The following FHIT variants were observed in gnomAD, a reference collection of about 807,000 sequenced individuals.
FHIT encodes the protein fragile histidine triad diadenosine triphosphatase, also known as bis(5'-adenosyl)-triphosphatase.
In FHIT, 19 loss-of-function variants were observed where a neutral mutation model predicts 17.9. The observed-to-expected ratio is 1.06, with a 90% CI of 0.74 to 1.56. The LOEUF (loss-of-function observed/expected upper bound fraction) is 1.56, where lower values mean the gene tolerates loss of function less well. Ranked by LOEUF, FHIT falls within the 40% of genes most tolerant of loss-of-function variation. The pLI is 0.00. For synonymous variants in FHIT, 81 were observed against 69.7 expected, an observed-to-expected ratio of 1.16 and a Z score of -0.81; for missense variants, 248 against 189.2, an observed-to-expected ratio of 1.31 and a Z score of -1.82.
intron 5 of FHIT, among the ~76,000 whole-genome samples, chr3:60,284,822 G>A (rs907720755): frequency 5.3e-5 from 8 of 152,054 alleles, no homozygotes; most frequent in Admixed American, 1.3e-4. Context: ...TGGTGTATGT[G>A]GCGTGTCTGT....
chr3:60,710,873 A>G (rs1373114601), intron 4 of FHIT, among the ~76,000 whole-genome samples: 1 of 152,158 alleles, frequency 6.6e-6, no homozygotes, highest in Non-Finnish European at 1.5e-5. Context: ...GACAGCAGTA[A>G]CCTCTGCAGA....
At chr3:60,541,127 A>G (rs2036173246) in intron 4 of FHIT, among the ~76,000 whole-genome samples, 2 of 152,188 alleles carry the variant, frequency 1.3e-5, no homozygotes, top group South Asian at 4.1e-4. Flanking sequence ...GCTGCCTAGC[A>G]TATGCTTGAA....
intron 4 of FHIT, among the ~76,000 whole-genome samples, chr3:60,624,814 T>C (rs1205845289): frequency 6.6e-6 from 1 of 152,210 alleles, no homozygotes; most frequent in Non-Finnish European, 1.5e-5. Flanking sequence ...TCATTCCTTT[T>C]TTTTACAAGA....
At chr3:60,418,366 CTGAA>C (rs1702328420) in intron 5 of FHIT, among the ~76,000 whole-genome samples, 1 of 95,276 alleles carries the variant, frequency 1.0e-5, no homozygotes, top group Non-Finnish European at 2.1e-5. Flanking sequence ...ATATATGTAT[CTGAA>C]TGTGTGTATA....
At chr3:60,201,927 C>G (rs765839381) in intron 5 of FHIT, among the ~76,000 whole-genome samples, 8 of 152,020 alleles carry the variant, frequency 5.3e-5, no homozygotes, top group Non-Finnish European at 1.2e-4. Context: ...TTACAGCCAC[C>G]AAAACCACTC....
intron 2 of FHIT, among the ~76,000 whole-genome samples, chr3:61,163,371 A>C (rs1428768946): frequency 2.0e-5 from 3 of 152,230 alleles, no homozygotes; most frequent in Non-Finnish European, 4.4e-5. Flanking sequence ...GGTAGGGACC[A>C]TATCCGGTTT....
chr3:60,463,088 A>G (rs555525708), intron 5 of FHIT, among the ~76,000 whole-genome samples: 3 of 152,284 alleles, frequency 2.0e-5, no homozygotes, highest in South Asian at 2.1e-4. Flanking sequence ...CACAAATAAG[A>G]AAGTTTAAAA....
At chr3:61,146,753 C>T (rs1173071534) in intron 2 of FHIT, among the ~76,000 whole-genome samples, 2 of 151,952 alleles carry the variant, frequency 1.3e-5, no homozygotes, top group African/African-American at 4.8e-5. Flanking sequence ...CATAGAATTC[C>T]TCAGGGTATA....
chr3:60,735,009 G>A (rs932370526), intron 4 of FHIT, among the ~76,000 whole-genome samples: 3 of 152,134 alleles, frequency 2.0e-5, no homozygotes, highest in Middle Eastern at 3.2e-3. Flanking sequence ...AAAATGACCA[G>A]CATCAAGAAT....
Position 60,223,316 on chromosome 3 carries a change from C to A in FHIT, c.104-209164G>T, listed in dbSNP as rs543531523. 2.6e-5 allele frequency among the ~76,000 whole-genome samples: 4 copies of A among 152,256 alleles called. No individual in the cohort carries two copies. In the East Asian group the frequency reaches 7.7e-4, roughly 29 times the overall value. ...GTACAGGGAGCTTAAGTCAATAGGA[C>A]AAGGTCACATAGCTAGCAAAAGGCA... On this transcript the variant is annotated intron_variant, in intron 5 of 9. Coordinates refer to ENST00000492590, the MANE Select transcript of FHIT (RefSeq NM_002012.4).
intron 5 of FHIT, among the ~76,000 whole-genome samples, chr3:60,169,712 C>A (rs1162505671): frequency 2.6e-5 from 4 of 152,134 alleles, no homozygotes; most frequent in Admixed American, 6.5e-5. Context: ...GACAAAAAGT[C>A]CCCTGGAGAA....
At chr3:60,929,977 A>C (rs1707858623) in intron 3 of FHIT, among the ~76,000 whole-genome samples, 1 of 152,238 alleles carries the variant, frequency 6.6e-6, no homozygotes, top group African/African-American at 2.4e-5. Flanking sequence ...ACACAAGGCT[A>C]CAGTAATCAA....
chr3:60,393,733 C>G (rs1701324561), intron 5 of FHIT, among the ~76,000 whole-genome samples: 2 of 152,050 alleles, frequency 1.3e-5, no homozygotes, highest in South Asian at 4.1e-4. Flanking sequence ...ATCTGGATTT[C>G]CATTACCTCA....
intron 3 of FHIT, among the ~76,000 whole-genome samples, chr3:60,967,300 T>A (rs1709791891): frequency 6.6e-6 from 1 of 152,216 alleles, no homozygotes; most frequent in South Asian, 2.1e-4. Flanking sequence ...TTGGTGGTAA[T>A]CATTCTTTCC....
chr3:60,890,221 T>TAGAAAAAAAAAAAAA (rs1705442270), intron 3 of FHIT, among the ~76,000 whole-genome samples: 1 of 115,658 alleles, frequency 8.6e-6, no homozygotes, highest in African/African-American at 3.8e-5. Flanking sequence ...TTCCATGATG[T>TAGAAAAAAAAAAAAA]AAAAAAAAAA....
intron 4 of FHIT, among the ~76,000 whole-genome samples, chr3:60,566,416 T>C (rs910200858): frequency 3.3e-5 from 5 of 152,266 alleles, no homozygotes; most frequent in African/African-American, 1.2e-4. Context: ...CAACGCTTCA[T>C]GCTAAAAACT....
At chr3:60,213,737 T>A (rs1160862584) in intron 5 of FHIT, among the ~76,000 whole-genome samples, 2 of 152,204 alleles carry the variant, frequency 1.3e-5, no homozygotes, top group African/African-American at 4.8e-5. Context: ...AGTGAATTAT[T>A]TTCACAGATT....
At chr3:60,620,224 C>A (rs782425448) in intron 4 of FHIT, among the ~76,000 whole-genome samples, 15 of 152,118 alleles carry the variant, frequency 9.9e-5, no homozygotes, top group East Asian at 1.9e-4. Flanking sequence ...ATATAGCAAC[C>A]TCAGAAGACC....
rs1265114799 is a variant in FHIT, at chr3:61,102,910, C to A, written c.-163-60811G>T. ...GGATCAGTGGTGATATCCCCTTTATCATTTTTTATTGCATCTATTTGATTC... is the reference window on the plus strand; with the variant it reads ...GGATCAGTGGTGATATCCCCTTTATAATTTTTTATTGCATCTATTTGATTC... On this transcript the variant is annotated intron_variant, in intron 2 of 9. Transcript: ENST00000492590. Among the ~76,000 whole-genome samples the A allele has an allele frequency of 3.3e-5, 5 of 152,256 alleles. No homozygotes were observed. In the East Asian group the frequency reaches 9.6e-4, roughly 29 times the overall value.
Sources: gnomAD v4.1 joint callset for allele counts (sites outside exome capture counted in the v4.1 genomes callset) on GRCh38, gnomAD v4.1.1 for gene constraint, MANE v1.5 for transcripts, NCBI Gene and HGNC (gene_info 2026-07-23, HGNC 2026-07-21) for gene names.